TARS3: variants seen among roughly 807,000 people sequenced by gnomAD.
TARS3 encodes threonine--tRNA ligase 2, cytoplasmic.
In TARS3, 94 loss-of-function variants were observed where a neutral mutation model predicts 103.5. The ratio of observed to expected loss-of-function variants is 0.91; its 90% CI spans 0.77 to 1.08. TARS3 has a LOEUF of 1.08. Among genes scored for constraint, TARS3 ranks in the 50% least tolerant of loss-of-function variants. The pLI, the probability that TARS3 is intolerant of heterozygous loss-of-function variation, is 0.00. For missense variants in TARS3, 952 were observed against 995.2 expected, an observed-to-expected ratio of 0.96 and a Z score of 0.58; for synonymous variants, 416 against 355.4, an observed-to-expected ratio of 1.17 and a Z score of -1.92.
In TARS3 at chr15:101,721,311, T is replaced by C; in HGVS notation, c.381A>G (p.Gln127=). The change falls in exon 3 of 19, where the codon CAA becomes CAG. Residue 127 remains glutamine (Q), a synonymous_variant. Transcript: ENST00000335968. The stretch of plus-strand genomic sequence containing the variant: ...TCAATCTTTCTTTTATGAAAATTGG[T>C]TGATGCTTCACCTGGAAATTATTAG... ...ESEADSEVKH[Q]PIFIKERLKL... 6.2e-7 allele frequency: 1 copy of C among 1,609,826 alleles called. No individual in the cohort carries two copies. The highest frequency in any genetic ancestry group is 8.5e-7 in the Non-Finnish European group (1 of 1,176,312).
chr15:101,661,159 A>ACCACTCAAAAAGGACCACAAGATGCC (rs1897361995), intron 16 of TARS3, among the ~76,000 whole-genome samples: 2 of 152,148 alleles, frequency 1.3e-5, no homozygotes, highest in African/African-American at 2.4e-5. Flanking sequence ...CACAAGATGC[A>ACCACTCAAAAAGGACCACAAGATGCC]CCACTCAAAA....
intron 7 of TARS3, among the ~76,000 whole-genome samples, chr15:101,704,801 G>A (rs1337408676): frequency 6.6e-6 from 1 of 151,566 alleles, no homozygotes; most frequent in Non-Finnish European, 1.5e-5. Flanking sequence ...AAGAGCTCAA[G>A]CATTAGAAGC....
At chr15:101,713,367 C>T (rs1365125551) in intron 4 of TARS3, among the ~76,000 whole-genome samples, 1 of 152,168 alleles carries the variant, frequency 6.6e-6, no homozygotes, top group Non-Finnish European at 1.5e-5. Flanking sequence ...TTGCATTTTA[C>T]TCCAAATGCA....
In TARS3 at chr15:101,675,473, T is replaced by G. The variant is rs1341689702; in HGVS notation, c.1788+127A>C. On this transcript the variant is annotated intron_variant, in intron 13 of 18. Transcript: ENST00000335968. ...ATAACCACATTCTACAACCTATATA[T>G]CTATCTCATAATTTCCAGGTTCAAA... 4.8e-6 allele frequency: 4 copies of G among 826,044 alleles called. No individual in the cohort carries two copies. In the African/African-American group the frequency reaches 5.1e-5, roughly 11 times the overall value. The allele number at this position is 826,044 out of a possible 1,614,324, so 51.2% of individuals were successfully genotyped here. A position where few individuals can be genotyped will look rare whatever the true frequency, so the allele number is the denominator to read the frequency against.
intron 13 of TARS3, among the ~76,000 whole-genome samples, chr15:101,674,660 G>A (rs1232046644): frequency 6.6e-6 from 1 of 152,012 alleles, no homozygotes; most frequent in East Asian, 1.9e-4. Context: ...CAAAAAATTG[G>A]CCGGGTGTGG....
rs1897114774 is a variant in TARS3, at chr15:101,654,219, C to A, written c.*363G>T. The A allele has an allele frequency of 5.8e-6, 1 of 172,146 alleles. No homozygotes were observed. The highest frequency in any genetic ancestry group is 1.8e-4 in the South Asian group (1 of 5,484). The allele number at this position is 172,146 out of a possible 1,614,324, so 10.7% of individuals were successfully genotyped here. A position where few individuals can be genotyped will look rare whatever the true frequency, so the allele number is the denominator to read the frequency against. On this transcript the variant is annotated 3_prime_UTR_variant, in exon 19 of 19. Coordinates refer to ENST00000335968, the MANE Select transcript of TARS3 (RefSeq NM_152334.3). ...GACATATTAGAAAATAAGATTTTCC[C>A]TCCTATTTAAAAAAAACTCTGCAGA...
In TARS3 at chr15:101,677,951, G is replaced by A. The variant is rs149142757; in HGVS notation, c.1651-2214C>T. 2.2e-3 allele frequency among the ~76,000 whole-genome samples: 335 copies of A among 150,940 alleles called. 1 individual carries two copies. The highest frequency in any genetic ancestry group is 3.5e-3 in the Non-Finnish European group (238 of 67,788). On this transcript the variant is annotated intron_variant, in intron 12 of 18. Coordinates refer to ENST00000335968, the MANE Select transcript of TARS3 (RefSeq NM_152334.3). ...CTGGCCTTTCTCCAGCTTTTAATTGGCATATCATGGGACTTCTTTTTTTTT... is the reference window on the plus strand; with the variant it reads ...CTGGCCTTTCTCCAGCTTTTAATTGACATATCATGGGACTTCTTTTTTTTT...
At chr15:101,681,911 C>T (rs1283730971) in intron 12 of TARS3, among the ~76,000 whole-genome samples, 1 of 152,008 alleles carries the variant, frequency 6.6e-6, no homozygotes, top group African/African-American at 2.4e-5. Context: ...TTTTGAGATG[C>T]TATTACAAAT....
intron 8 of TARS3, 84 bp downstream of exon 8, chr15:101,703,775 A>G: frequency 1.2e-6 from 1 of 804,322 alleles, no homozygotes; most frequent in Non-Finnish European, 2.1e-6. Context: ...ACTACAAAAG[A>G]TATGATTGAA....
intron 4 of TARS3, 41 bp downstream of exon 4, chr15:101,714,799 T>C (rs748294622): frequency 1.9e-6 from 3 of 1,593,624 alleles, no homozygotes; most frequent in Non-Finnish European, 2.6e-6. Context: ...GTTTACAACA[T>C]AACTACCCAA....
In TARS3 at chr15:101,672,989, G is replaced by C. The variant is rs1463101405; in HGVS notation, c.1789-1241C>G. On this transcript the variant is annotated intron_variant, in intron 13 of 18. Coordinates refer to ENST00000335968, the MANE Select transcript of TARS3 (RefSeq NM_152334.3). Reference sequence around the variant, plus strand: ...AAGCAGGGGTCACTGCTGCTCCTCGGGCCTTGGAGGACACAGGACAGGAGG... The same window carrying C: ...AAGCAGGGGTCACTGCTGCTCCTCGCGCCTTGGAGGACACAGGACAGGAGG... Among the ~76,000 whole-genome samples the C allele has an allele frequency of 2.0e-5, 3 of 152,294 alleles. No homozygotes were observed. The South Asian group carries it at 6.2e-4, about 32-fold the overall frequency.
intron 8 of TARS3, among the ~76,000 whole-genome samples, chr15:101,702,636 G>A (rs1227182259): frequency 4.6e-5 from 7 of 152,160 alleles, no homozygotes; most frequent in Non-Finnish European, 1.0e-4. Context: ...CAGGCACGAT[G>A]GCACATGCCT....
rs1344403744 is a variant in TARS3, at chr15:101,654,113, T to A, written c.*469A>T. On this transcript the variant is annotated 3_prime_UTR_variant, in exon 19 of 19. Coordinates refer to ENST00000335968, the MANE Select transcript of TARS3 (RefSeq NM_152334.3). Reference sequence around the variant, plus strand: ...TAGCTGCTGCTTTTGTGGTTGTTGGTTAGTTAAAATTAAGTAATGATTCCA... The same window carrying A: ...TAGCTGCTGCTTTTGTGGTTGTTGGATAGTTAAAATTAAGTAATGATTCCA... 6.5e-6 allele frequency: 1 copy of A among 153,598 alleles called. No homozygotes were observed. Among genetic ancestry groups the A allele is most frequent in the Non-Finnish European group, 1.4e-5 (1 of 69,182 alleles). 9.5% of individuals were successfully genotyped at this position (153,598 alleles called of 1,614,324 possible).
At chr15:101,702,089 T>C in intron 9 of TARS3, 150 bp downstream of exon 9, 1 of 810,078 alleles carries the variant, frequency 1.2e-6, no homozygotes, top group Non-Finnish European at 2.0e-6. Context: ...GGTATTAAAA[T>C]GAAAGCACTG....
At chr15:101,675,575 A>G (rs201908273) in intron 13 of TARS3, 25 bp downstream of exon 13, 2 of 1,599,904 alleles carry the variant, frequency 1.3e-6, no homozygotes, top group East Asian at 2.2e-5. Flanking sequence ...TAAAATGAAG[A>G]GGAAGCACAA....
chr15:101,676,686 T>A (rs968607598), intron 12 of TARS3, among the ~76,000 whole-genome samples: 1 of 150,164 alleles, frequency 6.7e-6, no homozygotes. Flanking sequence ...TTTTTTTTTT[T>A]AGTAGAGAAG....
At chr15:101,677,098 T>G (rs1045489899) in intron 12 of TARS3, among the ~76,000 whole-genome samples, 2 of 152,212 alleles carry the variant, frequency 1.3e-5, no homozygotes, top group Non-Finnish European at 2.9e-5. Context: ...CTGAGGATAA[T>G]GGCTTGTGAT....
Position 101,724,462 on chromosome 15 carries a change from A to T in TARS3, c.-75T>A. On this transcript the variant is annotated 5_prime_UTR_variant, in exon 1 of 19. Coordinates refer to ENST00000335968, the MANE Select transcript of TARS3 (RefSeq NM_152334.3). ...CGAGGGCGACGCGGACACTCAGCGC[A>T]CGGCAGAAGACAGGGCTCCCGGGAG... The T allele has an allele frequency of 1.3e-5, 17 of 1,330,386 alleles. No homozygotes were observed. The highest frequency in any genetic ancestry group is 1.6e-5 in the Non-Finnish European group (17 of 1,046,120). The allele number at this position is 1,330,386 out of a possible 1,614,324, so 82.4% of individuals were successfully genotyped here.
At position 101,711,506 on chromosome 15, in the gene TARS3, G is replaced by GA. The variant is rs1287935105; in HGVS notation, c.812+373dup. On this transcript the variant is annotated intron_variant, in intron 5 of 18. Transcript: ENST00000335968. ...ACTTCCTCATCAGCCTACTCAACGT[G>GA]AAGATGAAGAGCTTTATAATGATCC... Among the ~76,000 whole-genome samples, 9 of 152,294 alleles carry GA rather than the reference G, an allele frequency of 5.9e-5. No individual in the cohort carries two copies. The East Asian group carries it at 1.7e-3, about 29-fold the overall frequency.
Sources: gnomAD v4.1 joint callset for allele counts (sites outside exome capture counted in the v4.1 genomes callset) on GRCh38, gnomAD v4.1.1 for gene constraint, MANE v1.5 for transcripts, NCBI Gene and HGNC (gene_info 2026-07-23, HGNC 2026-07-21) for gene names.